Variants in PTPRC observed in about 807,000 individuals in gnomAD.
The protein encoded by PTPRC is receptor-type tyrosine-protein phosphatase C.
PTPRC carries 44 observed loss-of-function variants against 155.9 expected under a neutral mutation model. The observed-to-expected ratio is 0.28, with a 90% confidence interval of 0.22 to 0.36. PTPRC has a LOEUF of 0.36. Ranked by LOEUF, PTPRC falls within the 10% of genes least tolerant of loss-of-function variation. The pLI is 1.00. For synonymous variants in PTPRC, 525 were observed against 533.1 expected (o/e 0.98, Z 0.21); for missense variants, 1,401 against 1,564.6 (o/e 0.90, Z 1.76).
rs1337951387 is a variant in PTPRC at position 198,754,371 on chromosome 1, A to G, written c.3612A>G (p.Leu1204=). 3 of 1,613,414 alleles carry G rather than the reference A, an allele frequency of 1.9e-6. No individual in the cohort carries two copies. Among genetic ancestry groups the G allele is most frequent in the African/African-American group, 2.7e-5 (2 of 74,902 alleles). ...VVDIFQVVKA[L]RKARPGMVST... The stretch of plus-strand genomic sequence containing the variant: ...ATATTTTTCAAGTGGTAAAAGCTCT[A>G]CGCAAAGCTAGGCCAGGCATGGTTT... Residue 1204 remains leucine (L), a synonymous_variant, in exon 32 of 33, where the codon CTA becomes CTG. Coordinates refer to ENST00000442510, the MANE Select transcript of PTPRC (RefSeq NM_002838.5).
intron 2 of PTPRC, among the ~76,000 whole-genome samples, chr1:198,689,781 TCTC>T (rs902002688): frequency 6.6e-6 from 1 of 152,162 alleles, no homozygotes; most frequent in Non-Finnish European, 1.5e-5. Context: ...TTCTCTTTCT[TCTC>T]CTCCTCTTCC....
intron 3 of PTPRC, chr1:198,694,142 T>A (rs527250408): frequency 1.3e-6 from 2 of 1,533,986 alleles, no homozygotes; most frequent in South Asian, 2.4e-5. Flanking sequence ...ACCACTGGAG[T>A]AAGTCCAAGA....
intron 20 of PTPRC, 26 bp downstream of exon 20, chr1:198,732,582 A>C: frequency 6.6e-7 from 1 of 1,505,316 alleles, no homozygotes; most frequent in African/African-American, 1.4e-5. Flanking sequence ...CATTTTTCTT[A>C]TACCTACATA....
chr1:198,718,416 G>T, intron 14 of PTPRC, 114 bp downstream of exon 14: 1 of 909,706 alleles, frequency 1.1e-6, no homozygotes, highest in Non-Finnish European at 1.7e-6. Context: ...GCTCTGATGT[G>T]TAATGGAATC....
chr1:198,747,948 G>GA (rs960497393), intron 26 of PTPRC, among the ~76,000 whole-genome samples, 161 bp from the exon 27 acceptor site: 13 of 151,384 alleles, frequency 8.6e-5, no homozygotes, highest in South Asian at 2.1e-4. Context: ...GCAATTTAAA[G>GA]AAAAAAAATC....
Position 198,692,771 on chromosome 1 carries a change from A to G in PTPRC, c.100+398A>G, listed in dbSNP as rs1031082547. ...ATAGATATGTAGATAACAGATTTGC[A>G]TATGTCTATATTTCTTTAAGAGTAT... On this transcript the variant is annotated intron_variant, in intron 3 of 32. Coordinates refer to ENST00000442510, the MANE Select transcript of PTPRC (RefSeq NM_002838.5). The G allele has an allele frequency of 1.1e-5, 10 of 917,562 alleles. No individual in the cohort carries two copies. The African/African-American group carries it at 1.4e-4, about 13-fold the overall frequency. 56.8% of individuals were successfully genotyped at this position (917,562 alleles called of 1,614,324 possible). A position where few individuals can be genotyped will look rare whatever the true frequency, so the allele number is the denominator to read the frequency against.
rs371368975 is a variant in PTPRC, at chr1:198,753,567, T to C, written c.3510-702T>C. Among the ~76,000 whole-genome samples the C allele has an allele frequency of 3.3e-5, 5 of 152,130 alleles. No individual in the cohort carries two copies. The East Asian group carries it at 5.8e-4, about 18-fold the overall frequency. ...CTAGAATCAAGCCTTAAGAAATATA[T>C]GAATTTTCAGCATTTATGTGGAAAG... On this transcript the variant is annotated intron_variant, in intron 31 of 32. Transcript: ENST00000442510.
In PTPRC at chr1:198,706,756, T is replaced by C. The variant is rs1488971685; in HGVS notation, c.708T>C (p.Thr236=). 6.2e-7 allele frequency: 1 copy of C among 1,610,620 alleles called. No homozygotes were observed. The highest frequency in any genetic ancestry group is 1.1e-5 in the South Asian group (1 of 90,884). Residue 236 remains threonine (T), a synonymous_variant, in exon 9 of 33, where the codon ACT becomes ACC. Transcript: ENST00000442510. The part of the protein sequence containing the change: ...PTCDEKYANI[T]VDYLYNKETK... ...TAGATGAAAAATATGCAAACATCAC[T>C]GTGGATTACTTATATAACAAGGAAA...
chr1:198,680,096 G>T, intron 2 of PTPRC: 1 of 420,338 alleles, frequency 2.4e-6, no homozygotes, highest in South Asian at 5.1e-5. Context: ...AGGCGCAGGC[G>T]CAGCGGCGAC....
chr1:198,713,575 C>T (rs1335098810), intron 12 of PTPRC, among the ~76,000 whole-genome samples: 1 of 151,516 alleles, frequency 6.6e-6, no homozygotes, highest in Non-Finnish European at 1.5e-5. Context: ...TAGAATTAGA[C>T]TTCTGCAGAA....
At chr1:198,673,408 G>C (rs571375905) in intron 2 of PTPRC, among the ~76,000 whole-genome samples, 48 of 152,210 alleles carry the variant, frequency 3.2e-4, no homozygotes, top group Middle Eastern at 6.8e-3. Flanking sequence ...TGAAATAGAG[G>C]TAATAATTAT....
At chr1:198,675,432 T>C (rs1385849391) in intron 2 of PTPRC, among the ~76,000 whole-genome samples, 1 of 152,172 alleles carries the variant, frequency 6.6e-6, no homozygotes, top group Admixed American at 6.5e-5. Context: ...AATGATAATA[T>C]CTCATTAATA....
intron 15 of PTPRC, among the ~76,000 whole-genome samples, chr1:198,724,360 C>G (rs1654030921): frequency 6.6e-6 from 1 of 152,166 alleles, no homozygotes; most frequent in Non-Finnish European, 1.5e-5. Flanking sequence ...GTCAATTGAA[C>G]TCCTGGGGAC....
chr1:198,651,981 C>T (rs565464826), intron 2 of PTPRC, among the ~76,000 whole-genome samples: 2 of 151,674 alleles, frequency 1.3e-5, no homozygotes, highest in Non-Finnish European at 2.9e-5. Context: ...AATGTACAAT[C>T]CTTGGTCACT....
Position 198,727,795 on chromosome 1 carries a change from A to G in PTPRC, c.1721-545A>G, listed in dbSNP as rs1654206556. 2.0e-5 allele frequency among the ~76,000 whole-genome samples: 3 copies of G among 152,150 alleles called. No homozygotes were observed. In the South Asian group the frequency reaches 6.2e-4, roughly 32 times the overall value. ...GCAGGATTTCACATTAAACTTAGTG[A>G]ATATTTAAGTCAGGGTAAGTCTTAT... is the stretch of plus-strand genomic sequence containing the variant. On this transcript the variant is annotated intron_variant, in intron 15 of 32. Transcript: ENST00000442510.
At chr1:198,702,307 T>C in intron 5 of PTPRC, 80 bp from the exon 6 acceptor site, 8 of 1,559,834 alleles carry the variant, frequency 5.1e-6, no homozygotes, top group Admixed American at 1.7e-5. Flanking sequence ...TCTTTAGTAA[T>C]TGTGTTTATG....
intron 2 of PTPRC, among the ~76,000 whole-genome samples, chr1:198,669,770 A>C (rs1304775420): frequency 6.6e-6 from 1 of 152,170 alleles, no homozygotes; most frequent in Non-Finnish European, 1.5e-5. Context: ...ATCAGCTTTT[A>C]TTTTAACTGA....
At chr1:198,663,736 TGTGCCTCA>T (rs1034466657) in intron 2 of PTPRC, among the ~76,000 whole-genome samples, 4 of 152,252 alleles carry the variant, frequency 2.6e-5, no homozygotes, top group African/African-American at 9.6e-5. Context: ...TTAACCGCTT[TGTGCCTCA>T]GTTTCCTTAT....
rs74672752 is a variant in PTPRC, at chr1:198,694,944, A to G, written c.101-1768A>G. 834 of 981,242 alleles carry G rather than the reference A, an allele frequency of 8.5e-4. 3 individuals carry two copies. Among genetic ancestry groups the G allele is most frequent in the Non-Finnish European group, 8.9e-4 (738 of 826,360 alleles). 60.8% of individuals were successfully genotyped at this position (981,242 alleles called of 1,614,324 possible). ...GCATGTCATTATGGGTAAAAGTTTG[A>G]TGGATTTATTTGTGAGTTATTTGGT... On this transcript the variant is annotated intron_variant, in intron 3 of 32. Coordinates refer to ENST00000442510, the MANE Select transcript of PTPRC (RefSeq NM_002838.5).
Sources: gnomAD v4.1 joint callset for allele counts (sites outside exome capture counted in the v4.1 genomes callset) on GRCh38, gnomAD v4.1.1 for gene constraint, MANE v1.5 for transcripts, NCBI Gene and HGNC (gene_info 2026-07-23, HGNC 2026-07-21) for gene names.